The following FER1L6 variants were observed in gnomAD, a reference collection of about 807,000 sequenced individuals.
FER1L6 encodes the protein fer-1 like family member 6, also known as fer-1-like protein 6.
A neutral mutation model predicts 219.2 loss-of-function variants in FER1L6; 177 were observed. That is an observed-to-expected ratio of 0.81 (90% CI 0.71 to 0.91). The LOEUF is 0.91. Ranked by LOEUF, FER1L6 falls within the 40% of genes least tolerant of loss-of-function variation. The pLI, the probability that FER1L6 is intolerant of heterozygous loss-of-function variation, is 0.00. For synonymous variants in FER1L6, 768 were observed against 824.3 expected, an observed-to-expected ratio of 0.93 and a Z score of 1.17; for missense variants, 2,153 against 2,259.9, an observed-to-expected ratio of 0.95 and a Z score of 0.96.
At chr8:123,973,784 C>T (rs554312129) in intron 7 of FER1L6, among the ~76,000 whole-genome samples, 2 of 152,214 alleles carry the variant, frequency 1.3e-5, no homozygotes, top group African/African-American at 4.8e-5. Flanking sequence ...AATATAGGAA[C>T]TAAGAATACA....
chr8:124,060,574 GAA>G lies in FER1L6; in HGVS notation c.3013_3014del (p.Lys1005GlufsTer15). 1 of 1,614,080 alleles carries G rather than the reference GAA, an allele frequency of 6.2e-7. No homozygotes were observed. The highest frequency in any genetic ancestry group is 8.5e-7 in the Non-Finnish European group (1 of 1,179,988). ...EVLFWGVREM[K>X]KVQLLSVDRP... ...TTCTCTTCTGGGGAGTTCGGGAAAT[GAA>G]GAAGGTGCAGCTCCTCTCTGTGGAT... On this transcript the variant is annotated frameshift_variant, in exon 24 of 41. Transcript: ENST00000522917. LOFTEE classifies it high-confidence loss of function.
intron 15 of FER1L6, among the ~76,000 whole-genome samples, chr8:124,016,849 G>T (rs551240138): frequency 4.9e-4 from 75 of 152,100 alleles, no homozygotes; most frequent in African/African-American, 1.6e-3. Flanking sequence ...TTGTCAAATT[G>T]TTCAATTATT....
At chr8:124,095,063 C>T in intron 35 of FER1L6, 25 bp downstream of exon 35, 2 of 1,613,494 alleles carry the variant, frequency 1.2e-6, no homozygotes, top group African/African-American at 1.3e-5. Flanking sequence ...TATTCTGGCC[C>T]TAAAAGTTAA....
intron 1 of FER1L6, among the ~76,000 whole-genome samples, chr8:123,856,216 A>ATGTGTATGAGATATATGTATATACATG (rs1816639420): frequency 4.1e-5 from 4 of 98,450 alleles, no homozygotes; most frequent in Non-Finnish European, 6.2e-5. Context: ...GTATATACAT[A>ATGTGTATGAGATATATGTATATACATG]TGTGTATGAG....
intron 12 of FER1L6, among the ~76,000 whole-genome samples, chr8:123,996,486 T>C (rs184142466): frequency 2.0e-5 from 3 of 152,284 alleles, no homozygotes; most frequent in African/African-American, 7.2e-5. Context: ...ACATGGAATA[T>C]CCTTTTTCAT....
intron 1 of FER1L6, among the ~76,000 whole-genome samples, chr8:123,876,685 C>T (rs1407784694): frequency 6.6e-6 from 1 of 152,180 alleles, no homozygotes; most frequent in Admixed American, 6.5e-5. Context: ...CCCTTCTACA[C>T]CTTGACCCCA....
intron 12 of FER1L6, among the ~76,000 whole-genome samples, chr8:123,998,433 G>C (rs1448317731): frequency 8.9e-6 from 1 of 112,226 alleles, no homozygotes; most frequent in African/African-American, 3.3e-5. Flanking sequence ...TCTGTACTGA[G>C]TTGCCTGGAG....
At position 124,019,245 on chromosome 8, in the gene FER1L6, C is replaced by T. The variant is rs148192619; in HGVS notation, c.2013+1527C>T. ...TATCTATGCTCTGACAATTTTGAAT[C>T]CTTGATGATTATGTATATTCATATG... On this transcript the variant is annotated intron_variant, in intron 16 of 40. Coordinates refer to ENST00000522917, the MANE Select transcript of FER1L6 (RefSeq NM_001039112.2). Among the ~76,000 whole-genome samples, 961 of 152,218 alleles carry T rather than the reference C, an allele frequency of 6.3e-3. 7 individuals are homozygous for T. Among genetic ancestry groups the T allele is most frequent in the Non-Finnish European group, 9.4e-3 (637 of 68,022 alleles).
intron 40 of FER1L6, 71 bp from the exon 41 acceptor site, chr8:124,119,536 T>G: frequency 9.7e-7 from 1 of 1,028,646 alleles, no homozygotes; most frequent in Non-Finnish European, 1.5e-6. Flanking sequence ...CGGAAACACT[T>G]CCTGGGGTCT....
Position 124,013,440 on chromosome 8 carries a change from A to G in FER1L6, c.1831A>G (p.Ile611Val), listed in dbSNP as rs1474294155. Residue 611 changes from isoleucine to valine, a missense_variant, in exon 15 of 41, where the codon ATA (isoleucine) becomes GTA (valine). Transcript: ENST00000522917. ...EKMADFLEESIEEVRELIKIS... is the reference protein window; with the variant it reads ...EKMADFLEESVEEVRELIKIS... ...TGTGGTTTGTTTTCAGGAAGAAAGT[A>G]TAGAAGAAGTGAGAGAATTGATCAA... is the stretch of plus-strand genomic sequence containing the variant. The G allele has an allele frequency of 1.2e-6, 2 of 1,606,864 alleles. No individual in the cohort carries two copies. Among genetic ancestry groups the G allele is most frequent in the South Asian group, 1.1e-5 (1 of 89,850 alleles).
intron 12 of FER1L6, among the ~76,000 whole-genome samples, chr8:123,991,548 T>C (rs1311171450): frequency 2.6e-5 from 4 of 152,226 alleles, no homozygotes; most frequent in Admixed American, 6.5e-5. Context: ...TGTGTGTACA[T>C]TGATTTGTAA....
At chr8:124,018,647 G>T (rs1486230773) in intron 16 of FER1L6, among the ~76,000 whole-genome samples, 1 of 152,194 alleles carries the variant, frequency 6.6e-6, no homozygotes, top group Non-Finnish European at 1.5e-5. Context: ...ACAGCCCTTG[G>T]CCTGATTATT....
intron 18 of FER1L6, among the ~76,000 whole-genome samples, chr8:124,032,182 T>C (rs1247253276): frequency 6.6e-6 from 1 of 152,302 alleles, no homozygotes; most frequent in Admixed American, 6.5e-5. Context: ...CCCAGCACTT[T>C]GGGAGGCCGA....
chr8:123,880,086 G>A (rs1817079861), intron 1 of FER1L6, among the ~76,000 whole-genome samples: 1 of 152,026 alleles, frequency 6.6e-6, no homozygotes, highest in Non-Finnish European at 1.5e-5. Flanking sequence ...TATCCCTAAG[G>A]TTCTCGGAGA....
chr8:123,983,287 T>C (rs1816403241), intron 11 of FER1L6, among the ~76,000 whole-genome samples: 1 of 152,120 alleles, frequency 6.6e-6, no homozygotes, highest in South Asian at 2.1e-4. Flanking sequence ...GCTGGCTTTG[T>C]CAACTCACCC....
At chr8:124,007,831 A>G (rs1817735907) in intron 13 of FER1L6, among the ~76,000 whole-genome samples, 1 of 152,234 alleles carries the variant, frequency 6.6e-6, no homozygotes, top group Admixed American at 6.5e-5. Flanking sequence ...ATGAAATGCC[A>G]AAGTTTAGTT....
At chr8:124,024,236 G>A (rs1202378319) in intron 18 of FER1L6, among the ~76,000 whole-genome samples, 1 of 151,494 alleles carries the variant, frequency 6.6e-6, no homozygotes, top group Non-Finnish European at 1.5e-5. Flanking sequence ...AGGGTTACAA[G>A]TGGTTTGTGA....
chr8:124,071,278 G>A (rs1821058563), intron 30 of FER1L6, among the ~76,000 whole-genome samples: 1 of 152,194 alleles, frequency 6.6e-6, no homozygotes, highest in Non-Finnish European at 1.5e-5. Flanking sequence ...TAACAGTCCT[G>A]TGAGGGGGTT....
At chr8:123,866,604 A>C (rs984805057) in intron 1 of FER1L6, among the ~76,000 whole-genome samples, 6 of 152,074 alleles carry the variant, frequency 3.9e-5, no homozygotes, top group African/African-American at 1.4e-4. Context: ...TTATATTCTC[A>C]CCAACAGCAC....
Sources: gnomAD v4.1 joint callset for allele counts (sites outside exome capture counted in the v4.1 genomes callset) on GRCh38, gnomAD v4.1.1 for gene constraint, MANE v1.5 for transcripts, NCBI Gene and HGNC (gene_info 2026-07-23, HGNC 2026-07-21) for gene names.